The following PIGL variants were observed in gnomAD, a reference collection of about 807,000 sequenced individuals.
The protein encoded by PIGL is phosphatidylinositol glycan anchor biosynthesis class L.
In PIGL, 22 loss-of-function variants were observed where a neutral mutation model predicts 31.1. That is an observed-to-expected ratio of 0.71 (90% CI 0.51 to 1.01). The LOEUF is 1.01. PIGL is among the 50% of genes least tolerant of loss of function. The probability of loss-of-function intolerance (pLI) is 0.00; values close to 1 mark genes in which losing one functional copy is unlikely to be tolerated. For missense variants in PIGL, 302 were observed against 315.9 expected (o/e 0.96, Z 0.33); for synonymous variants, 131 against 117.4 (o/e 1.12, Z -0.75).
chr17:16,274,521 G>A (rs1041811532), intron 2 of PIGL, among the ~76,000 whole-genome samples: 1 of 152,016 alleles, frequency 6.6e-6, no homozygotes, highest in African/African-American at 2.4e-5. Flanking sequence ...TCAGGAGTTC[G>A]AGATCAGCCT....
chr17:16,221,591 A>G (rs907866790), intron 1 of PIGL, among the ~76,000 whole-genome samples: 38 of 152,030 alleles, frequency 2.5e-4, no homozygotes, highest in Non-Finnish European at 7.4e-5. Flanking sequence ...CTGGGACTAC[A>G]GGCATGCATC....
chr17:16,286,235 G>T (rs1277253995), intron 2 of PIGL, among the ~76,000 whole-genome samples: 6 of 152,244 alleles, frequency 3.9e-5, no homozygotes, highest in Non-Finnish European at 8.8e-5. Flanking sequence ...TGCAAAAGTG[G>T]GACTCGGTTT....
chr17:16,250,584 C>T (rs964769090), intron 2 of PIGL, among the ~76,000 whole-genome samples: 3 of 152,100 alleles, frequency 2.0e-5, no homozygotes, highest in African/African-American at 7.2e-5. Context: ...GCTTTGGAAT[C>T]TTACTTTAGA....
chr17:16,318,363 T>C (rs2093087727), intron 6 of PIGL, among the ~76,000 whole-genome samples: 1 of 151,556 alleles, frequency 6.6e-6, no homozygotes, highest in African/African-American at 2.4e-5. Flanking sequence ...CTCCGCCTCC[T>C]GGGTTCAAGT....
intron 2 of PIGL, among the ~76,000 whole-genome samples, chr17:16,297,315 G>A (rs1325844561): frequency 6.6e-6 from 1 of 152,176 alleles, no homozygotes; most frequent in Non-Finnish European, 1.5e-5. Flanking sequence ...CCCCTCAAAA[G>A]AGCAGATCCC....
chr17:16,278,377 C>T (rs1425448272), intron 2 of PIGL, among the ~76,000 whole-genome samples: 3 of 152,202 alleles, frequency 2.0e-5, no homozygotes, highest in Non-Finnish European at 2.9e-5. Context: ...GCATGAGCCA[C>T]TGTGCCCAGG....
intron 1 of PIGL, among the ~76,000 whole-genome samples, chr17:16,220,769 T>A (rs746875731): frequency 4.6e-5 from 7 of 152,236 alleles, no homozygotes; most frequent in Non-Finnish European, 8.8e-5. Context: ...ATTACAGGCG[T>A]GAGCCACCGC....
chr17:16,295,974 G>GA (rs1321032668), intron 2 of PIGL, among the ~76,000 whole-genome samples: 1 of 151,740 alleles, frequency 6.6e-6, no homozygotes, highest in Non-Finnish European at 1.5e-5. Flanking sequence ...ATATTCAGGA[G>GA]AAAAAATGAA....
intron 2 of PIGL, among the ~76,000 whole-genome samples, chr17:16,240,043 T>G (rs1048323159): frequency 1.3e-5 from 2 of 152,170 alleles, no homozygotes; most frequent in Non-Finnish European, 2.9e-5. Context: ...GGGCGTTGGA[T>G]CAGTAGGAGG....
intron 2 of PIGL, among the ~76,000 whole-genome samples, chr17:16,291,837 C>T (rs1271419205): frequency 6.6e-6 from 1 of 151,118 alleles, no homozygotes; most frequent in Admixed American, 6.6e-5. Context: ...TGTACTCCAG[C>T]CTGGGCAAGA....
intron 6 of PIGL, among the ~76,000 whole-genome samples, chr17:16,319,699 G>A (rs938431280): frequency 6.7e-6 from 1 of 150,344 alleles, no homozygotes; most frequent in Admixed American, 6.7e-5. Flanking sequence ...AGGTTGCAGT[G>A]ATCCAAGATC....
intron 1 of PIGL, among the ~76,000 whole-genome samples, chr17:16,218,960 G>A (rs1236015953): frequency 2.0e-5 from 3 of 151,928 alleles, no homozygotes; most frequent in Non-Finnish European, 2.9e-5. Flanking sequence ...GATTACAAGT[G>A]TGAGCCACCA....
At chr17:16,285,781 A>G (rs777710129) in intron 2 of PIGL, among the ~76,000 whole-genome samples, 41 of 137,576 alleles carry the variant, frequency 3.0e-4, no homozygotes, top group Admixed American at 6.2e-4. Context: ...TCCTTCTCTT[A>G]CTTATCTTTT....
At chr17:16,273,894 C>G (rs1351986766) in intron 2 of PIGL, among the ~76,000 whole-genome samples, 1 of 152,288 alleles carries the variant, frequency 6.6e-6, no homozygotes, top group East Asian at 1.9e-4. Context: ...CCATTGGAAA[C>G]TTTTTAGGGC....
intron 2 of PIGL, among the ~76,000 whole-genome samples, chr17:16,280,207 G>A (rs550009389): frequency 1.3e-5 from 2 of 152,112 alleles, no homozygotes; most frequent in Admixed American, 6.5e-5. Context: ...TCTGCTCCTG[G>A]GGGCAGAGGT....
At position 16,228,789 on chromosome 17, in the gene PIGL, C is replaced by T. The variant is rs187450878; in HGVS notation, c.236-5182C>T. On this transcript the variant is annotated intron_variant, in intron 1 of 6. Coordinates refer to ENST00000225609, the MANE Select transcript of PIGL (RefSeq NM_004278.4). ...CATCATCCCAAATAGAAACTCTATA[C>T]CTGTTTAGCATTCCTTTTCCCCTCC... 3.4e-3 allele frequency among the ~76,000 whole-genome samples: 525 copies of T among 152,284 alleles called. 3 individuals carry two copies. Among genetic ancestry groups the T allele is most frequent in the Non-Finnish European group, 3.5e-3 (240 of 68,030 alleles).
chr17:16,314,431 A>G (rs765779331), intron 4 of PIGL, among the ~76,000 whole-genome samples: 1 of 152,264 alleles, frequency 6.6e-6, no homozygotes, highest in Non-Finnish European at 1.5e-5. Flanking sequence ...TGGTTTGCCC[A>G]GCACCACAAG....
At chr17:16,234,954 T>C (rs1200396486) in intron 2 of PIGL, among the ~76,000 whole-genome samples, 1 of 152,180 alleles carries the variant, frequency 6.6e-6, no homozygotes, top group Non-Finnish European at 1.5e-5. Context: ...AAACCCCCAT[T>C]TGCCTATTAC....
chr17:16,316,674 C>A lies in PIGL; in HGVS notation c.495-7C>A. ...CTCCTCTCACTCTTGTCCTATCCCT[C>A]CTCCAGGGCCCTGCACTCAGAAGGG... On this transcript the variant is annotated splice_region_variant and splice_polypyrimidine_tract_variant and intron_variant, in intron 4 of 6. Transcript: ENST00000225609. 6.3e-7 allele frequency: 1 copy of A among 1,598,394 alleles called. No homozygotes were observed. The highest frequency in any genetic ancestry group is 2.2e-5 in the East Asian group (1 of 44,464).
Sources: gnomAD v4.1 joint callset for allele counts (sites outside exome capture counted in the v4.1 genomes callset) on GRCh38, gnomAD v4.1.1 for gene constraint, MANE v1.5 for transcripts, NCBI Gene and HGNC (gene_info 2026-07-23, HGNC 2026-07-21) for gene names.